Variants in SART1 observed in about 807,000 individuals in gnomAD.
SART1 encodes spliceosome associated factor 1, recruiter of U4/U6.U5 tri-snRNP.
A neutral mutation model predicts 105.0 loss-of-function variants in SART1; 28 were observed. The observed-to-expected ratio is 0.27, with a 90% confidence interval of 0.20 to 0.37. SART1 has a LOEUF of 0.37. Ranked by LOEUF, SART1 falls within the 10% of genes least tolerant of loss-of-function variation. SART1 has a pLI of 1.00. For synonymous variants in SART1, 472 were observed against 462.9 expected, an observed-to-expected ratio of 1.02 and a Z score of -0.25; for missense variants, 894 against 1,106.5, an observed-to-expected ratio of 0.81 and a Z score of 2.72.
intron 12 of SART1, 91 bp downstream of exon 12, chr11:65,967,912 A>G: frequency 9.5e-7 from 1 of 1,054,924 alleles, no homozygotes. Context: ...TTCCTGTCTG[A>G]AGCCTCTTTT....
At position 65,979,097 on chromosome 11, in the gene SART1, C is replaced by T. The variant is rs1428434349; in HGVS notation, c.*67C>T. On this transcript the variant is annotated 3_prime_UTR_variant, in exon 20 of 20. Transcript: ENST00000312397. ...AATAAAGCTCCCTCCTTATTTTTTC[C>T]TCCCTGGTCGTGGTACAGATTCCAG... is the stretch of plus-strand genomic sequence containing the variant. 12 of 1,601,756 alleles carry T rather than the reference C, an allele frequency of 7.5e-6. No homozygotes were observed. Among genetic ancestry groups the T allele is most frequent in the African/African-American group, 1.3e-5 (1 of 74,592 alleles).
At chr11:65,972,262 A>G (rs1855393736) in intron 12 of SART1, among the ~76,000 whole-genome samples, 1 of 152,180 alleles carries the variant, frequency 6.6e-6, no homozygotes, top group Non-Finnish European at 1.5e-5. Flanking sequence ...ATAGACTAAC[A>G]GAACAGAGAG....
In SART1 at chr11:65,964,720, A is replaced by G. The variant is rs188839960; in HGVS notation, c.427+150A>G. 5.1e-3 allele frequency: 3,939 copies of G among 765,060 alleles called. 30 individuals are homozygous for G. The highest frequency in any genetic ancestry group is 4.9e-3 in the Non-Finnish European group (2,425 of 491,582). 47.4% of individuals were successfully genotyped at this position (765,060 alleles called of 1,614,324 possible). On this transcript the variant is annotated intron_variant, in intron 3 of 19. Coordinates refer to ENST00000312397, the MANE Select transcript of SART1 (RefSeq NM_005146.5). ...AGGCATGAGGTCCCTCCTTGCTGGT[A>G]TAATGGGGATCTGGGGCTCCGCCTG...
At chr11:65,977,993 G>T in intron 17 of SART1, 94 bp downstream of exon 17, 2 of 1,375,574 alleles carry the variant, frequency 1.5e-6, no homozygotes, top group South Asian at 1.3e-5. Flanking sequence ...ATGCCCCAGG[G>T]TCCTGGCTCC....
intron 1 of SART1, among the ~76,000 whole-genome samples, chr11:65,963,468 A>G (rs1016659383): frequency 6.6e-6 from 1 of 151,774 alleles, no homozygotes; most frequent in Non-Finnish European, 1.5e-5. Context: ...CAGGAAAGGA[A>G]GAGTTTTTTT....
At position 65,978,937 on chromosome 11, in the gene SART1, G is replaced by T; in HGVS notation, c.2384+23G>T. ...CGCGTGAGTGGCTCGAGGCTGGTGG[G>T]GTAGGGTGTGGTGGGGAGGGGTGGC... On this transcript the variant is annotated intron_variant, in intron 19 of 19. Coordinates refer to ENST00000312397, the MANE Select transcript of SART1 (RefSeq NM_005146.5). This position sits in a 1 kb window ranked among gnomAD's most constrained non-coding sequence, Gnocchi z 6.8. 1 of 1,613,684 alleles carries T rather than the reference G, an allele frequency of 6.2e-7. No individual in the cohort carries two copies. Among genetic ancestry groups the T allele is most frequent in the Non-Finnish European group, 8.5e-7 (1 of 1,179,932 alleles).
rs768337449 is a variant in SART1 at position 65,965,999 on chromosome 11, G to A, written c.838+13G>A. 3.7e-6 allele frequency: 6 copies of A among 1,613,864 alleles called. No individual in the cohort carries two copies. The Admixed American group carries it at 1.0e-4, about 27-fold the overall frequency. On this transcript the variant is annotated intron_variant, in intron 7 of 19. Transcript: ENST00000312397. ...CTCAAGGACAAAGGTAATGCGAGCT[G>A]GGTGCCCTGGGTGGGGGCACAGCCT...
chr11:65,973,505 C>T (rs764753643), intron 12 of SART1, among the ~76,000 whole-genome samples: 1 of 152,172 alleles, frequency 6.6e-6, no homozygotes, highest in African/African-American at 2.4e-5. Context: ...CAGAAAGGTC[C>T]AAGCCTGACA....
intron 1 of SART1, among the ~76,000 whole-genome samples, chr11:65,963,536 C>A (rs926037038): frequency 6.6e-6 from 1 of 151,754 alleles, no homozygotes; most frequent in Non-Finnish European, 1.5e-5. Context: ...GGCTAGAGTG[C>A]AGTGGCACGA....
intron 12 of SART1, among the ~76,000 whole-genome samples, chr11:65,975,515 TCC>T (rs1319152047): frequency 6.8e-6 from 1 of 147,744 alleles, no homozygotes; most frequent in African/African-American, 2.5e-5. Context: ...CAAGCAGTAC[TCC>T]CACCTCAGCC....
intron 5 of SART1, 61 bp downstream of exon 5, chr11:65,965,508 G>C: frequency 6.7e-7 from 1 of 1,495,914 alleles, no homozygotes; most frequent in Non-Finnish European, 9.1e-7. Flanking sequence ...ACGGCACTGA[G>C]GCGGGGGCCA....
At position 65,978,678 on chromosome 11, in the gene SART1, G is replaced by T; in HGVS notation, c.2251G>T (p.Asp751Tyr). ...GACAGAGCGGCGGATGAAGAAGCTG[G>T]ACGAGGAGGCGGTGGGTGCCCTTGG... ...MKTERRMKKL[D>Y]EEALLKKMSS... The change falls in exon 18 of 20, where the codon GAC (aspartate) becomes TAC (tyrosine). Residue 751 changes from aspartate to tyrosine, a missense_variant. By Grantham distance (160) the Asp-to-Tyr change is radical. Transcript: ENST00000312397. The surrounding 1 kb of genome is among the most constrained non-coding windows in gnomAD (Gnocchi z 6.8). The T allele has an allele frequency of 6.2e-7, 1 of 1,606,980 alleles. No individual in the cohort carries two copies. The highest frequency in any genetic ancestry group is 8.5e-7 in the Non-Finnish European group (1 of 1,176,952).
chr11:65,967,183 G>T lies in SART1; in HGVS notation c.1189-76G>T, dbSNP rs879854210. ...GCTAGCACAGAGGAACACCAAAGAA[G>T]TGTTCACCCTCGAGGGCTTGTGGCG... On this transcript the variant is annotated intron_variant, in intron 9 of 19. Transcript: ENST00000312397. 10 of 1,570,264 alleles carry T rather than the reference G, an allele frequency of 6.4e-6. No individual in the cohort carries two copies. In the South Asian group the frequency reaches 1.2e-4, roughly 19 times the overall value.
In SART1 at chr11:65,979,378, C is replaced by CT. The variant is rs1855547182; in HGVS notation, c.*349dup. 2 of 392,920 alleles carry CT rather than the reference C, an allele frequency of 5.1e-6. No homozygotes were observed. Among genetic ancestry groups the CT allele is most frequent in the African/African-American group, 4.1e-5 (2 of 48,880 alleles). The allele number at this position is 392,920 out of a possible 1,614,324, so 24.3% of individuals were successfully genotyped here. A position where few individuals can be genotyped will look rare whatever the true frequency, so the allele number is the denominator to read the frequency against. On this transcript the variant is annotated 3_prime_UTR_variant, in exon 20 of 20. Transcript: ENST00000312397. ...TGCACAGGTCACTGTCCTGTAATGT[C>CT]TCCCGGTCAGGGCAGCCCAGGACTG...
At chr11:65,964,699 A>G in intron 3 of SART1, 129 bp downstream of exon 3, 2 of 915,650 alleles carry the variant, frequency 2.2e-6, no homozygotes, top group Non-Finnish European at 3.3e-6. Flanking sequence ...GCCGGAAGGC[A>G]TGAGGTCCCT....
At position 65,978,968 on chromosome 11, in the gene SART1, C is replaced by A; in HGVS notation, c.2385-44C>A. On this transcript the variant is annotated intron_variant, in intron 19 of 19. Coordinates refer to ENST00000312397, the MANE Select transcript of SART1 (RefSeq NM_005146.5). This position sits in a 1 kb window ranked among gnomAD's most constrained non-coding sequence, Gnocchi z 6.8. ...GTGTGGTGGGGAGGGGTGGCGTGGC[C>A]TGTGCCCGCCTCTGCAGCCTCACGC... 1 of 1,613,396 alleles carries A rather than the reference C, an allele frequency of 6.2e-7. No individual in the cohort carries two copies. The highest frequency in any genetic ancestry group is 8.5e-7 in the Non-Finnish European group (1 of 1,179,814).
At chr11:65,977,188 C>T (rs1855500253) in intron 15 of SART1, 87 bp downstream of exon 15, 2 of 941,918 alleles carry the variant, frequency 2.1e-6, no homozygotes, top group Non-Finnish European at 3.3e-6. Flanking sequence ...CCTCTGCTGC[C>T]CCTTTCTCTC....
In SART1 at chr11:65,976,941, AGGT is replaced by A. The variant is rs1298868677; in HGVS notation, c.1858-68_1858-66del. The A allele has an allele frequency of 7.7e-7, 1 of 1,302,050 alleles. No homozygotes were observed. The highest frequency in any genetic ancestry group is 1.1e-6 in the Non-Finnish European group (1 of 899,118). The allele number at this position is 1,302,050 out of a possible 1,614,324, so 80.7% of individuals were successfully genotyped here. ...ATGTTGTGGAGGGCTGGTGCCTGGC[AGGT>A]GGTGACCAGTGGGTGGGGCTGAGAA... On this transcript the variant is annotated intron_variant, in intron 14 of 19. Transcript: ENST00000312397. This position sits in a 1 kb window ranked among gnomAD's most constrained non-coding sequence, Gnocchi z 5.1.
chr11:65,976,443 G>A lies in SART1; in HGVS notation c.1621G>A (p.Glu541Lys). The change falls in exon 13 of 20, where the codon GAG becomes AAG. Residue 541 changes from glutamate to lysine, a missense_variant. Glu to Lys is a moderately conservative substitution (Grantham distance 56). Around this residue, in one of 2 missense-constraint regions of SART1, gnomAD observed 712 missense variants for 778.2 expected, o/e 0.91. Transcript: ENST00000312397. The surrounding 1 kb of genome is among the most constrained non-coding windows in gnomAD (Gnocchi z 5.1). Reference sequence around the variant, plus strand: ...GGAGTCTCGCCAGCGGGGCTGGGAGGAGGATGAGGATCCCGAGCGGAAGGG... The same window carrying A: ...GGAGTCTCGCCAGCGGGGCTGGGAGAAGGATGAGGATCCCGAGCGGAAGGG... The part of the protein sequence containing the change: ...KLESRQRGWE[E>K]DEDPERKGAI... 2 of 1,569,370 alleles carry A rather than the reference G, an allele frequency of 1.3e-6. No homozygotes were observed. Among genetic ancestry groups the A allele is most frequent in the Non-Finnish European group, 1.7e-6 (2 of 1,159,356 alleles).
Sources: gnomAD v4.1 joint callset for allele counts (sites outside exome capture counted in the v4.1 genomes callset) on GRCh38, gnomAD v4.1.1 for gene constraint, gnomAD v4.1.1 regional missense constraint, Gnocchi (gnomAD v3.1) non-coding constraint, MANE v1.5 for transcripts, NCBI Gene and HGNC (gene_info 2026-07-23, HGNC 2026-07-21) for gene names.